FMN1: variants seen among roughly 807,000 people sequenced by gnomAD.
FMN1 encodes formin 1.
FMN1 carries 110 observed loss-of-function variants against 132.4 expected under a neutral mutation model. The observed-to-expected ratio is 0.83, with a 90% CI of 0.71 to 0.97. The LOEUF is 0.97. Among genes scored for constraint, FMN1 ranks in the 50% least tolerant of loss-of-function variants. FMN1 has a pLI of 0.00. For synonymous variants in FMN1, 722 were observed against 651.7 expected (o/e 1.11, Z -1.64); for missense variants, 1,792 against 1,705.3 (o/e 1.05, Z -0.90).
chr15:32,982,188 T>C (rs1168584405), intron 7 of FMN1, among the ~76,000 whole-genome samples: 5 of 151,970 alleles, frequency 3.3e-5, no homozygotes, highest in African/African-American at 7.3e-5. Flanking sequence ...TAAAACCACA[T>C]AAGATATCAC....
intron 10 of FMN1, among the ~76,000 whole-genome samples, chr15:32,913,848 T>C (rs985668360): frequency 4.6e-5 from 7 of 152,154 alleles, no homozygotes; most frequent in Non-Finnish European, 1.0e-4. Flanking sequence ...GGTATAATTA[T>C]ACCATACGAC....
intron 10 of FMN1, among the ~76,000 whole-genome samples, chr15:32,918,415 A>G (rs193148978): frequency 6.6e-6 from 1 of 152,342 alleles, no homozygotes; most frequent in East Asian, 1.9e-4. Context: ...AGAGACAAGT[A>G]TAAAACACAC....
At chr15:32,971,346 A>G (rs2031774112) in intron 7 of FMN1, among the ~76,000 whole-genome samples, 1 of 152,236 alleles carries the variant, frequency 6.6e-6, no homozygotes, top group South Asian at 2.1e-4. Context: ...GGACAGGCAT[A>G]AACCTAGGAA....
Position 32,964,159 on chromosome 15 carries a change from T to C in FMN1, c.3086A>G (p.Gln1029Arg). ...EYLFSKDTTQ[Q>R]KKKPLSETYE... is the part of the protein sequence containing the mutation. ...AGTCTCTGACAGAGGTTTTTTCTTC[T>C]GTTGAGTTGTGTCTTTGGAGAATAA... The change falls in exon 9 of 21, where the codon CAG (glutamine) becomes CGG (arginine). Residue 1029 changes from glutamine (Q) to arginine (R), a missense_variant. This residue lies in a region of FMN1 where 1,150 missense variants were observed against 1,043.1 expected (regional missense o/e 1.10). Coordinates refer to ENST00000616417, the MANE Select transcript of FMN1 (RefSeq NM_001277313.2). The C allele has an allele frequency of 6.2e-6, 10 of 1,613,614 alleles. No homozygotes were observed. Among genetic ancestry groups the C allele is most frequent in the Admixed American group, 1.7e-5 (1 of 60,018 alleles).
At chr15:32,986,370 G>A (rs2033070769) in intron 7 of FMN1, among the ~76,000 whole-genome samples, 1 of 152,062 alleles carries the variant, frequency 6.6e-6, no homozygotes, top group South Asian at 2.1e-4. Flanking sequence ...ACCCCACAGA[G>A]AAGATTCCCT....
intron 19 of FMN1, among the ~76,000 whole-genome samples, chr15:32,795,779 T>C (rs1032689911): frequency 9.8e-5 from 15 of 152,330 alleles, no homozygotes; most frequent in African/African-American, 3.4e-4. Flanking sequence ...ACTGCACGTC[T>C]AGAAAGTGGC....
intron 6 of FMN1, among the ~76,000 whole-genome samples, chr15:33,053,713 A>C (rs1001116569): frequency 2.0e-5 from 3 of 152,180 alleles, no homozygotes; most frequent in African/African-American, 4.8e-5. Flanking sequence ...AATGTATTAT[A>C]AAGAATACAA....
intron 17 of FMN1, among the ~76,000 whole-genome samples, chr15:32,805,012 T>C (rs2057628304): frequency 6.6e-6 from 1 of 152,184 alleles, no homozygotes; most frequent in Non-Finnish European, 1.5e-5. Flanking sequence ...TTATAATCCT[T>C]TGGGTATATA....
chr15:32,892,339 T>C (rs2060051811), intron 15 of FMN1, among the ~76,000 whole-genome samples: 1 of 152,226 alleles, frequency 6.6e-6, no homozygotes, highest in Non-Finnish European at 1.5e-5. Context: ...CTTAATTCTG[T>C]TTATGTGGTG....
At chr15:32,922,855 A>G (rs1376913361) in intron 10 of FMN1, among the ~76,000 whole-genome samples, 3 of 152,242 alleles carry the variant, frequency 2.0e-5, no homozygotes, top group African/African-American at 7.2e-5. Flanking sequence ...GTTTCTTTGC[A>G]TTCAAAAAGA....
intron 16 of FMN1, among the ~76,000 whole-genome samples, chr15:32,879,239 T>A (rs1394285061): frequency 6.6e-6 from 1 of 152,224 alleles, no homozygotes; most frequent in Non-Finnish European, 1.5e-5. Context: ...TATCAAAGTT[T>A]TTTTTATTAT....
At chr15:32,788,411 A>T (rs939787960) in intron 19 of FMN1, among the ~76,000 whole-genome samples, 3 of 152,252 alleles carry the variant, frequency 2.0e-5, no homozygotes, top group Non-Finnish European at 4.4e-5. Context: ...TAATGAAGAC[A>T]TGCATGTGCT....
intron 5 of FMN1, among the ~76,000 whole-genome samples, chr15:33,082,029 G>A (rs550404154): frequency 2.2e-5 from 3 of 135,276 alleles, no homozygotes; most frequent in Admixed American, 1.4e-4. Context: ...GGGTGTGTGT[G>A]TGTGTGTGTG....
rs541124062 is a variant in FMN1, at chr15:32,835,031, T to A, written c.3928+21984A>T. On this transcript the variant is annotated intron_variant, in intron 17 of 20. Transcript: ENST00000616417. Reference sequence around the variant, plus strand: ...AGGGAAGGCATCACCTTTGTTAGAGTTTGTGAATTTAAATTAGTTTGGGTT... The same window carrying A: ...AGGGAAGGCATCACCTTTGTTAGAGATTGTGAATTTAAATTAGTTTGGGTT... Among the ~76,000 whole-genome samples the A allele has an allele frequency of 3.3e-5, 5 of 152,184 alleles. No homozygotes were observed. In the South Asian group the frequency reaches 1.0e-3, roughly 32 times the overall value.
intron 19 of FMN1, among the ~76,000 whole-genome samples, chr15:32,794,177 A>G (rs991016916): frequency 5.3e-5 from 8 of 152,158 alleles, no homozygotes; most frequent in African/African-American, 1.7e-4. Context: ...GTAATAAAAA[A>G]AACAGCCCCC....
At chr15:33,135,469 GCT>G (rs1275419909) in intron 4 of FMN1, among the ~76,000 whole-genome samples, 1 of 152,214 alleles carries the variant, frequency 6.6e-6, no homozygotes, top group East Asian at 1.9e-4. Flanking sequence ...GAGAATGTCT[GCT>G]CTGTCAGTCT....
At chr15:32,867,485 A>G (rs1057172467) in intron 16 of FMN1, among the ~76,000 whole-genome samples, 2 of 149,468 alleles carry the variant, frequency 1.3e-5, no homozygotes, top group Non-Finnish European at 3.0e-5. Context: ...CATCATTACG[A>G]CCTCAGCTCA....
intron 6 of FMN1, among the ~76,000 whole-genome samples, chr15:33,035,595 G>C (rs1481262611): frequency 1.3e-5 from 2 of 151,882 alleles, no homozygotes; most frequent in African/African-American, 4.8e-5. Context: ...TTTCTTATTT[G>C]GTTGCTCAAA....
chr15:32,856,995 C>T lies in FMN1; in HGVS notation c.3928+20G>A, dbSNP rs1451888. ...GATGTTTCAGGGCCACGTGTATGTG[C>T]GGCTGACAAAGCTTCCTACCTTTTT... is the stretch of plus-strand genomic sequence containing the variant. On this transcript the variant is annotated intron_variant, in intron 17 of 20. Coordinates refer to ENST00000616417, the MANE Select transcript of FMN1 (RefSeq NM_001277313.2). 7.4e-3 allele frequency: 11,544 copies of T among 1,555,610 alleles called. 65 individuals are homozygous for T. The highest frequency in any genetic ancestry group is 9.3e-3 in the Non-Finnish European group (10,529 of 1,126,914).
Sources: allele counts gnomAD v4.1 joint callset (sites outside exome capture counted in the v4.1 genomes callset), GRCh38; gene constraint gnomAD v4.1.1; regional missense constraint gnomAD v4.1.1; transcripts MANE v1.5; gene names NCBI Gene and HGNC (gene_info 2026-07-23, HGNC 2026-07-21).